G3BP1: variants seen among roughly 807,000 people sequenced by gnomAD.
The protein encoded by G3BP1 is G3BP stress granule assembly factor 1.
In G3BP1, 35 loss-of-function variants were observed where a neutral mutation model predicts 58.6. The ratio of observed to expected loss-of-function variants is 0.60; its 90% confidence interval spans 0.46 to 0.79. The LOEUF is 0.79. G3BP1 is among the 30% of genes least tolerant of loss of function. The probability of loss-of-function intolerance (pLI) is 0.00; values close to 1 mark genes in which losing one functional copy is unlikely to be tolerated. For missense variants in G3BP1, 523 were observed against 580.8 expected (o/e 0.90, Z 1.02); for synonymous variants, 191 against 195.4 (o/e 0.98, Z 0.19).
intron 1 of G3BP1, among the ~76,000 whole-genome samples, chr5:151,784,401 T>C (rs1762524000): frequency 6.6e-6 from 1 of 152,202 alleles, no homozygotes; most frequent in Non-Finnish European, 1.5e-5. Flanking sequence ...GCTAAGTCAG[T>C]TTTGATAGTT....
rs1365783602 is a variant in G3BP1, at chr5:151,799,193, G to A, written c.742-19G>A. 1 of 1,166,746 alleles carries A rather than the reference G, an allele frequency of 8.6e-7. No individual in the cohort carries two copies. 72.3% of individuals were successfully genotyped at this position (1,166,746 alleles called of 1,614,324 possible). A position where few individuals can be genotyped will look rare whatever the true frequency, so the allele number is the denominator to read the frequency against. ...TTGATACCTGGTATAATTATGTAAT[G>A]TTGGTATTGCTCCCTTAGACATTTT... On this transcript the variant is annotated intron_variant, in intron 7 of 11. Transcript: ENST00000356245.
rs1762950689 is a variant in G3BP1, at chr5:151,807,319, T to C, written c.*3228T>C. On this transcript the variant is annotated 3_prime_UTR_variant, in exon 12 of 12. Coordinates refer to ENST00000356245, the MANE Select transcript of G3BP1 (RefSeq NM_005754.3). ...GTCATCCATGTAGCAAGGAGCACAT[T>C]TGCCTCCCAAACTGATGCTTTTTCT... 6.6e-6 allele frequency: 1 copy of C among 152,202 alleles called. No homozygotes were observed. Among genetic ancestry groups the C allele is most frequent in the Non-Finnish European group, 1.5e-5 (1 of 68,044 alleles). The allele number at this position is 152,202 out of a possible 1,614,324, so 9.4% of individuals were successfully genotyped here.
chr5:151,794,592 A>G (rs1397067765), intron 5 of G3BP1, among the ~76,000 whole-genome samples: 1 of 152,252 alleles, frequency 6.6e-6, no homozygotes, highest in Non-Finnish European at 1.5e-5. Flanking sequence ...GGCATGGGAC[A>G]CTGAGTTTAG....
At chr5:151,798,118 A>T (rs1324402421) in intron 7 of G3BP1, among the ~76,000 whole-genome samples, 2 of 152,214 alleles carry the variant, frequency 1.3e-5, no homozygotes, top group East Asian at 1.9e-4. Flanking sequence ...GGCAAAACAG[A>T]TAGGGGTTCT....
chr5:151,809,750 C>A lies in G3BP1; in HGVS notation c.*5659C>A, dbSNP rs1762990292. On this transcript the variant is annotated 3_prime_UTR_variant, in exon 12 of 12. Transcript: ENST00000356245. The stretch of plus-strand genomic sequence containing the variant: ...TAGATTCACTGTAGGAAGGGCAGCC[C>A]TGTTAAAGTTTGTCAGGAGAAAAAG... 2 of 152,108 alleles carry A rather than the reference C, an allele frequency of 1.3e-5. No individual in the cohort carries two copies. Among genetic ancestry groups the A allele is most frequent in the African/African-American group, 4.8e-5 (2 of 41,404 alleles). The allele number at this position is 152,108 out of a possible 1,614,324, so 9.4% of individuals were successfully genotyped here. A position where few individuals can be genotyped will look rare whatever the true frequency, so the allele number is the denominator to read the frequency against.
chr5:151,804,102 A>T lies in G3BP1; in HGVS notation c.*11A>T, dbSNP rs376029690. ...GCGCCACGGCAGTGAATCTTCATGGATCTTCATGCAGCCATACAAACCCTG... is the reference window on the plus strand; with the variant it reads ...GCGCCACGGCAGTGAATCTTCATGGTTCTTCATGCAGCCATACAAACCCTG... On this transcript the variant is annotated 3_prime_UTR_variant, in exon 12 of 12. Coordinates refer to ENST00000356245, the MANE Select transcript of G3BP1 (RefSeq NM_005754.3). 1.9e-6 allele frequency: 3 copies of T among 1,568,074 alleles called. No individual in the cohort carries two copies. Among genetic ancestry groups the T allele is most frequent in the Non-Finnish European group, 2.6e-6 (3 of 1,150,200 alleles).
At position 151,808,121 on chromosome 5, in the gene G3BP1, C is replaced by G. The variant is rs949012070; in HGVS notation, c.*4030C>G. On this transcript the variant is annotated 3_prime_UTR_variant, in exon 12 of 12. Coordinates refer to ENST00000356245, the MANE Select transcript of G3BP1 (RefSeq NM_005754.3). ...CTGATCAAGTAATGGCCGTGTGGCA[C>G]AAGATGATAACTAAGAATTTCTGGT... is the stretch of plus-strand genomic sequence containing the variant. 1 of 152,126 alleles carries G rather than the reference C, an allele frequency of 6.6e-6. No homozygotes were observed. Among genetic ancestry groups the G allele is most frequent in the Non-Finnish European group, 1.5e-5 (1 of 68,036 alleles). 9.4% of individuals were successfully genotyped at this position (152,126 alleles called of 1,614,324 possible).
At position 151,804,004 on chromosome 5, in the gene G3BP1, G is replaced by A; in HGVS notation, c.1314G>A (p.Leu438=). The A allele has an allele frequency of 6.2e-7, 1 of 1,613,594 alleles. No homozygotes were observed. ...LRGPGGPRGG[L]GGGMRGPPRG... ...GACCTGGAGGCCCTCGAGGTGGGCT[G>A]GGTGGTGGAATGAGAGGCCCTCCCC... Residue 438 remains leucine, a synonymous_variant, in exon 12 of 12, where the codon CTG becomes CTA. Coordinates refer to ENST00000356245, the MANE Select transcript of G3BP1 (RefSeq NM_005754.3).
chr5:151,785,311 A>G (rs1454513942), intron 1 of G3BP1, among the ~76,000 whole-genome samples: 1 of 151,884 alleles, frequency 6.6e-6, no homozygotes, highest in Admixed American at 6.5e-5. Context: ...GCATTGGTGA[A>G]ATAAATACTA....
rs1211821963 is a variant in G3BP1 at position 151,812,722 on chromosome 5, C to T, written c.*8631C>T. ...GATCGAGTGTATAAATAAAATAACCCCTTCCTCCAGTGACTGTGCATTTAT... is the reference window on the plus strand; with the variant it reads ...GATCGAGTGTATAAATAAAATAACCTCTTCCTCCAGTGACTGTGCATTTAT... On this transcript the variant is annotated 3_prime_UTR_variant, in exon 12 of 12. Coordinates refer to ENST00000356245, the MANE Select transcript of G3BP1 (RefSeq NM_005754.3). The T allele has an allele frequency of 2.0e-5, 3 of 152,148 alleles. No homozygotes were observed. The highest frequency in any genetic ancestry group is 7.2e-5 in the African/African-American group (3 of 41,440). The allele number at this position is 152,148 out of a possible 1,614,324, so 9.4% of individuals were successfully genotyped here.
rs2113234780 is a variant in G3BP1, at chr5:151,791,043, C to T, written c.332C>T (p.Thr111Met). Residue 111 changes from threonine to methionine, a missense_variant, in exon 4 of 12, where the codon ACG (threonine) becomes ATG (methionine). Around this residue, in one of 2 missense-constraint regions of G3BP1, gnomAD observed 398 missense variants for 399.1 expected, o/e 1.00. Transcript: ENST00000356245. The stretch of plus-strand genomic sequence containing the variant: ...CAGGCTTTGAGGAGATTCATGCAAA[C>T]GTTTGTCCTTGCTCCTGAGGTATGT... Reference protein sequence around the residue: ...NNQALRRFMQTFVLAPEGSVA... With the variant: ...NNQALRRFMQMFVLAPEGSVA... 1.9e-6 allele frequency: 3 copies of T among 1,613,498 alleles called. No individual in the cohort carries two copies. Among genetic ancestry groups the T allele is most frequent in the Non-Finnish European group, 2.5e-6 (3 of 1,179,598 alleles).
chr5:151,790,859 G>T (rs377026310), intron 3 of G3BP1, 30 bp from the exon 4 acceptor site: 127 of 1,298,842 alleles, frequency 9.8e-5, no homozygotes, highest in Middle Eastern at 5.3e-4. Context: ...ATTCTCAGTT[G>T]ATTATTATTA....
intron 1 of G3BP1, among the ~76,000 whole-genome samples, chr5:151,785,326 G>A (rs1372013636): frequency 2.6e-5 from 4 of 152,180 alleles, no homozygotes; most frequent in Admixed American, 2.6e-4. Flanking sequence ...ATACTAATTG[G>A]GGTAGATATT....
chr5:151,810,340 A>G lies in G3BP1; in HGVS notation c.*6249A>G, dbSNP rs1404365440. The G allele has an allele frequency of 6.6e-6, 1 of 152,196 alleles. No individual in the cohort carries two copies. Among genetic ancestry groups the G allele is most frequent in the East Asian group, 1.9e-4 (1 of 5,192 alleles). 9.4% of individuals were successfully genotyped at this position (152,196 alleles called of 1,614,324 possible). A position where few individuals can be genotyped will look rare whatever the true frequency, so the allele number is the denominator to read the frequency against. ...TCTCTTGCCATGTAAGTAATTTTTT[A>G]AAAGATCAGTACAAGAGCTATATTT... On this transcript the variant is annotated 3_prime_UTR_variant, in exon 12 of 12. Transcript: ENST00000356245.
At chr5:151,782,985 G>T (rs985282348) in intron 1 of G3BP1, among the ~76,000 whole-genome samples, 3 of 150,922 alleles carry the variant, frequency 2.0e-5, no homozygotes, top group African/African-American at 7.3e-5. Context: ...AGCCTCCTGA[G>T]TAGCTGGGAT....
intron 2 of G3BP1, chr5:151,787,769 C>T (rs1334453976): frequency 1.1e-5 from 3 of 265,506 alleles, no homozygotes; most frequent in East Asian, 2.5e-4. Flanking sequence ...GACCAGCTTG[C>T]ATATTGGATA....
At chr5:151,790,101 C>T (rs1413449991) in intron 2 of G3BP1, among the ~76,000 whole-genome samples, 1 of 134,882 alleles carries the variant, frequency 7.4e-6, no homozygotes, top group Non-Finnish European at 1.5e-5. Context: ...CCAGCCTGGT[C>T]AGCAAGAGCA....
intron 6 of G3BP1, among the ~76,000 whole-genome samples, chr5:151,796,109 A>G (rs1762744137): frequency 6.6e-6 from 1 of 152,174 alleles, no homozygotes; most frequent in Non-Finnish European, 1.5e-5. Flanking sequence ...GTGATACTGA[A>G]TGTTAATATT....
rs1762979210 is a variant in G3BP1 at position 151,809,219 on chromosome 5, C to T, written c.*5128C>T. 1 of 152,160 alleles carries T rather than the reference C, an allele frequency of 6.6e-6. No individual in the cohort carries two copies. The highest frequency in any genetic ancestry group is 1.5e-5 in the Non-Finnish European group (1 of 68,034). 9.4% of individuals were successfully genotyped at this position (152,160 alleles called of 1,614,324 possible). A position where few individuals can be genotyped will look rare whatever the true frequency, so the allele number is the denominator to read the frequency against. On this transcript the variant is annotated 3_prime_UTR_variant, in exon 12 of 12. Transcript: ENST00000356245. ...AAAACAACAAAAACCACTTCGGTTA[C>T]TCACTGTCCTCATGCTTTGATGTCA...
Sources: allele counts gnomAD v4.1 joint callset (sites outside exome capture counted in the v4.1 genomes callset), GRCh38; gene constraint gnomAD v4.1.1; regional missense constraint gnomAD v4.1.1; transcripts MANE v1.5; gene names NCBI Gene and HGNC (gene_info 2026-07-23, HGNC 2026-07-21).